Variants in PAK4 observed in about 807,000 individuals in gnomAD.
PAK4 encodes p21 (RAC1) activated kinase 4.
PAK4 carries 49 observed loss-of-function variants against 53.5 expected under a neutral mutation model. The ratio of observed to expected loss-of-function variants is 0.92; its 90% CI spans 0.73 to 1.16. PAK4 has a LOEUF of 1.16. Among genes scored for constraint, PAK4 ranks in the 50% most tolerant of loss-of-function variants. The pLI, the probability that PAK4 is intolerant of heterozygous loss-of-function variation, is 0.00. For missense variants in PAK4, 824 were observed against 850.7 expected, an observed-to-expected ratio of 0.97 and a Z score of 0.39; for synonymous variants, 376 against 375.6, an observed-to-expected ratio of 1.00 and a Z score of -0.01.
rs947098165 is a variant in PAK4 at position 39,161,959 on chromosome 19, GTTATTA to G, written c.-22-7564_-22-7559del. ...CTGACCACTTTATTTTATAATAATA[GTTATTA>G]TTATTATTTTGAGATGGAGTCTCAC... is the stretch of plus-strand genomic sequence containing the variant. On this transcript the variant is annotated intron_variant, in intron 1 of 8. Coordinates refer to ENST00000358301, the Ensembl canonical transcript of PAK4. The surrounding 1 kb of genome is among the most constrained non-coding windows in gnomAD (Gnocchi z 4.5). 1.3e-5 allele frequency among the ~76,000 whole-genome samples: 2 copies of G among 151,908 alleles called. No homozygotes were observed. Among genetic ancestry groups the G allele is most frequent in the Admixed American group, 6.6e-5 (1 of 15,240 alleles).
At chr19:39,146,741 C>G (rs1440620781) in intron 1 of PAK4, among the ~76,000 whole-genome samples, 1 of 151,880 alleles carries the variant, frequency 6.6e-6, no homozygotes, top group Non-Finnish European at 1.5e-5. Context: ...CTTGGGAGGC[C>G]GAGGTGGATC....
chr19:39,175,328 A>G lies in PAK4; in HGVS notation c.1249A>G (p.Ile417Val). ...ACCCCGCAGGATGAACGAGGAGCAGATCGCGGCCGTGTGCCTTGCAGTGCT... is the reference window on the plus strand; with the variant it reads ...ACCCCGCAGGATGAACGAGGAGCAGGTCGCGGCCGTGTGCCTTGCAGTGCT... Residue 417 changes from isoleucine to valine, a missense_variant, in exon 6 of 9, where the codon ATC (isoleucine) becomes GTC (valine). Ile to Val is a conservative substitution (Grantham distance 29, BLOSUM62 3). Coordinates refer to ENST00000358301, the Ensembl canonical transcript of PAK4. This position sits in a 1 kb window ranked among gnomAD's most constrained non-coding sequence, Gnocchi z 4.7. 2 of 1,587,482 alleles carry G rather than the reference A, an allele frequency of 1.3e-6. No individual in the cohort carries two copies. The highest frequency in any genetic ancestry group is 1.7e-6 in the Non-Finnish European group (2 of 1,167,404).
chr19:39,166,696 C>T (rs887075829), intron 1 of PAK4, among the ~76,000 whole-genome samples: 1 of 152,228 alleles, frequency 6.6e-6, no homozygotes. Flanking sequence ...GCCCAGCCCC[C>T]ACCCTTCCCT....
At chr19:39,136,811 C>G (rs1315415788) in intron 1 of PAK4, among the ~76,000 whole-genome samples, 2 of 152,210 alleles carry the variant, frequency 1.3e-5, no homozygotes, top group African/African-American at 2.4e-5. Flanking sequence ...GCCAGAGCGT[C>G]TAATGGGGAC....
chr19:39,178,663 T>G lies in PAK4; in HGVS notation c.*84T>G. 1.6e-6 allele frequency: 2 copies of G among 1,274,548 alleles called. No homozygotes were observed. The highest frequency in any genetic ancestry group is 2.2e-6 in the Non-Finnish European group (2 of 925,994). The allele number at this position is 1,274,548 out of a possible 1,614,324, so 79.0% of individuals were successfully genotyped here. Reference sequence around the variant, plus strand: ...GCCAGTAGGGGGCCAGGCCTCCCACTCCTCCCAGCCCGGGAGATGCTCCGC... The same window carrying G: ...GCCAGTAGGGGGCCAGGCCTCCCACGCCTCCCAGCCCGGGAGATGCTCCGC... On this transcript the variant is annotated 3_prime_UTR_variant, in exon 9 of 9. Transcript: ENST00000358301. This position sits in a 1 kb window ranked among gnomAD's most constrained non-coding sequence, Gnocchi z 4.4.
intron 1 of PAK4, among the ~76,000 whole-genome samples, chr19:39,158,061 T>A (rs2074216425): frequency 7.1e-6 from 1 of 140,296 alleles, no homozygotes; most frequent in African/African-American, 2.5e-5. Flanking sequence ...TTTGTGAGCG[T>A]GTGTGTGAGC....
At chr19:39,132,206 C>T (rs692191) in intron 1 of PAK4, among the ~76,000 whole-genome samples, 92,967 of 152,058 alleles carry the variant, frequency 0.61, 28,542 homozygotes, top group East Asian at 0.76. Context: ...TCCCGTGTTT[C>T]AATTTTCAGA....
intron 1 of PAK4, among the ~76,000 whole-genome samples, chr19:39,135,664 C>T (rs1332318310): frequency 2.6e-5 from 4 of 151,996 alleles, no homozygotes; most frequent in African/African-American, 7.3e-5. Context: ...CAGCTTTGCG[C>T]TGGGGCCCAG....
At chr19:39,146,306 T>G (rs1355621942) in intron 1 of PAK4, among the ~76,000 whole-genome samples, 3 of 152,006 alleles carry the variant, frequency 2.0e-5, no homozygotes, top group Non-Finnish European at 4.4e-5. Flanking sequence ...CAGAGGACTG[T>G]GGGAGGCCCT....
At chr19:39,143,563 A>C (rs1476076930) in intron 1 of PAK4, among the ~76,000 whole-genome samples, 2 of 123,292 alleles carry the variant, frequency 1.6e-5, no homozygotes, top group Non-Finnish European at 3.2e-5. Flanking sequence ...AATGCACTCC[A>C]GCCTGGGTGA....
At chr19:39,152,774 C>T (rs2074114029) in intron 1 of PAK4, among the ~76,000 whole-genome samples, 1 of 92,838 alleles carries the variant, frequency 1.1e-5, no homozygotes, top group Admixed American at 9.9e-5. Context: ...TCCACAGTTT[C>T]AGGCATCCCA....
chr19:39,138,520 G>A (rs556757583), intron 1 of PAK4, among the ~76,000 whole-genome samples: 108 of 152,314 alleles, frequency 7.1e-4, no homozygotes, highest in Non-Finnish European at 1.4e-3. Context: ...TTTTCCAGCC[G>A]ACGCCTTGCC....
In PAK4 at chr19:39,175,565, A is replaced by G; in HGVS notation, c.1359+127A>G. 1 of 1,032,576 alleles carries G rather than the reference A, an allele frequency of 9.7e-7. No individual in the cohort carries two copies. The highest frequency in any genetic ancestry group is 1.4e-6 in the Non-Finnish European group (1 of 714,302). 64.0% of individuals were successfully genotyped at this position (1,032,576 alleles called of 1,614,324 possible). A position where few individuals can be genotyped will look rare whatever the true frequency, so the allele number is the denominator to read the frequency against. On this transcript the variant is annotated intron_variant, in intron 6 of 8. Coordinates refer to ENST00000358301, the Ensembl canonical transcript of PAK4. The surrounding 1 kb of genome is among the most constrained non-coding windows in gnomAD (Gnocchi z 4.7). The stretch of plus-strand genomic sequence containing the variant: ...AGGTCTGTGTCTTGAGGAGCTGGGA[A>G]CTTCGTCCCTCCCTGGTGGAGCAGC...
In PAK4 at chr19:39,161,211, T is replaced by C. The variant is rs1285461851; in HGVS notation, c.-22-8321T>C. Reference sequence around the variant, plus strand: ...TGCTGTAGGCACTGAAATGCAGCCATCATGAACCAAAACGCGGTCCCTGTC... The same window carrying C: ...TGCTGTAGGCACTGAAATGCAGCCACCATGAACCAAAACGCGGTCCCTGTC... On this transcript the variant is annotated intron_variant, in intron 1 of 8. Transcript: ENST00000358301. This position sits in a 1 kb window ranked among gnomAD's most constrained non-coding sequence, Gnocchi z 4.5. Among the ~76,000 whole-genome samples the C allele has an allele frequency of 6.6e-6, 1 of 152,216 alleles. No homozygotes were observed. The highest frequency in any genetic ancestry group is 6.5e-5 in the Admixed American group (1 of 15,292).
rs774525556 is a variant in PAK4 at position 39,173,219 on chromosome 19, G to A, written c.506G>A (p.Gly169Asp). The stretch of plus-strand genomic sequence containing the variant: ...AAGTCTTCCAGGGAGGGCTCAGGGG[G>A]TCCCCAGGAGTCCTCCCGGGACAAA... Residue 169 changes from glycine to aspartate, a missense_variant, in exon 3 of 9, where the codon GGT becomes GAT. Gly to Asp is a moderately conservative substitution (Grantham distance 94, BLOSUM62 -1). Coordinates refer to ENST00000358301, the Ensembl canonical transcript of PAK4. This position sits in a 1 kb window ranked among gnomAD's most constrained non-coding sequence, Gnocchi z 6.9. 39 of 1,559,544 alleles carry A rather than the reference G, an allele frequency of 2.5e-5. No individual in the cohort carries two copies. The African/African-American group carries it at 3.7e-4, about 15-fold the overall frequency.
chr19:39,176,695 C>T (rs1277879268), exon 7 of PAK4: 15 of 1,611,186 alleles, frequency 9.3e-6, no homozygotes, highest in Admixed American at 1.7e-5. Context: ...GCTCATCTCC[C>T]GCCTTCCCTA....
intron 1 of PAK4, among the ~76,000 whole-genome samples, chr19:39,147,316 T>C (rs2074017238): frequency 6.6e-6 from 1 of 152,182 alleles, no homozygotes; most frequent in South Asian, 2.1e-4. Flanking sequence ...TCTCTGGAGG[T>C]GCATCCGCAT....
chr19:39,175,118 C>T lies in PAK4; in HGVS notation c.1232+54C>T, dbSNP rs540215481. 265 of 1,561,728 alleles carry T rather than the reference C, an allele frequency of 1.7e-4. 1 individual carries two copies. In the African/African-American group the frequency reaches 3.4e-3, roughly 20 times the overall value. ...TGACACGACCAAGTCCCCTCCAGAC[C>T]ACTAGGGGTGGGGCCACATCTCCAA... On this transcript the variant is annotated intron_variant, in intron 5 of 8. Transcript: ENST00000358301. This position sits in a 1 kb window ranked among gnomAD's most constrained non-coding sequence, Gnocchi z 4.7.
At chr19:39,171,691 G>T (rs902399597) in intron 2 of PAK4, among the ~76,000 whole-genome samples, 1 of 152,212 alleles carries the variant, frequency 6.6e-6, no homozygotes, top group Non-Finnish European at 1.5e-5. Flanking sequence ...ATGCCTGGCA[G>T]CCCCAGGCAG....
Sources: gnomAD v4.1 joint callset for allele counts (sites outside exome capture counted in the v4.1 genomes callset) on GRCh38, gnomAD v4.1.1 for gene constraint, Gnocchi (gnomAD v3.1) non-coding constraint, MANE v1.5 for transcripts, NCBI Gene and HGNC (gene_info 2026-07-23, HGNC 2026-07-21) for gene names.